Variants in DGKB observed in about 807,000 individuals in gnomAD.
DGKB encodes the protein diacylglycerol kinase beta.
DGKB carries 67 observed loss-of-function variants against 114.3 expected under a neutral mutation model. The ratio of observed to expected loss-of-function variants is 0.59; its 90% confidence interval spans 0.48 to 0.72. DGKB has a LOEUF of 0.72. Ranked by LOEUF, DGKB falls within the 30% of genes least tolerant of loss-of-function variation. DGKB has a pLI of 0.00. For synonymous variants in DGKB, 398 were observed against 323.1 expected (o/e 1.23, Z -2.49); for missense variants, 907 against 975.2 (o/e 0.93, Z 0.93).
chr7:14,519,265 C>T (rs992390118), intron 20 of DGKB, among the ~76,000 whole-genome samples: 1 of 151,950 alleles, frequency 6.6e-6, no homozygotes, highest in African/African-American at 2.4e-5. Context: ...CTCTGACCAC[C>T]AGCCTCAGGC....
At chr7:14,864,101 C>CAA (rs34612317) in intron 1 of DGKB, among the ~76,000 whole-genome samples, 93 of 96,492 alleles carry the variant, frequency 9.6e-4, no homozygotes, top group African/African-American at 2.7e-3. Flanking sequence ...AACTCTGTTT[C>CAA]AAAAAAAAAA....
At chr7:14,907,648 T>G (rs112683033), upstream of DGKB, among the ~76,000 whole-genome samples, 3 of 152,344 alleles carry the variant, frequency 2.0e-5, 1 homozygote, top group African/African-American at 7.2e-5. Flanking sequence ...TATTTAAGTA[T>G]ATGACTTTCA....
At chr7:14,405,899 T>C (rs151188204) in intron 21 of DGKB, among the ~76,000 whole-genome samples, 130 of 152,088 alleles carry the variant, frequency 8.5e-4, no homozygotes, top group African/African-American at 2.8e-3. Context: ...CTTTTAGGAA[T>C]AGATGAGAAT....
At chr7:14,430,142 C>T (rs1296356363) in intron 21 of DGKB, among the ~76,000 whole-genome samples, 1 of 152,102 alleles carries the variant, frequency 6.6e-6, no homozygotes, top group Non-Finnish European at 1.5e-5. Flanking sequence ...TGGGTCCTAG[C>T]AAGTGGCTGA....
intron 20 of DGKB, among the ~76,000 whole-genome samples, chr7:14,557,518 T>C (rs1400949071): frequency 6.6e-6 from 1 of 152,086 alleles, no homozygotes; most frequent in African/African-American, 2.4e-5. Flanking sequence ...ATCTTAACTT[T>C]CTATTTGTCT....
intron 10 of DGKB, among the ~76,000 whole-genome samples, chr7:14,683,339 T>A: frequency 6.6e-6 from 1 of 152,314 alleles, no homozygotes; most frequent in Middle Eastern, 3.4e-3. Context: ...TCATCATACA[T>A]GCCAGGCCTT....
intron 23 of DGKB, among the ~76,000 whole-genome samples, chr7:14,236,546 C>T (rs116214489): frequency 1.3e-5 from 2 of 151,702 alleles, no homozygotes; most frequent in Non-Finnish European, 2.9e-5. Flanking sequence ...TACAGCTGAT[C>T]GATGTAATAT....
chr7:14,367,495 C>T (rs1328973964), intron 21 of DGKB, among the ~76,000 whole-genome samples: 4 of 152,030 alleles, frequency 2.6e-5, no homozygotes, highest in Non-Finnish European at 5.9e-5. Context: ...GGTCGTGAGG[C>T]CTCCCCAGCC....
At chr7:14,958,847 C>G (rs541214222) in intron 1 of DGKB, among the ~76,000 whole-genome samples, 1 of 152,130 alleles carries the variant, frequency 6.6e-6, no homozygotes, top group South Asian at 2.1e-4. Flanking sequence ...GGGAGCCTCC[C>G]TTAAGAACAA....
chr7:14,338,682 T>C lies in DGKB; in HGVS notation c.1955A>G (p.Asn652Ser). Residue 652 changes from asparagine to serine, a missense_variant, in exon 23 of 26, where the codon AAC (asparagine) becomes AGC (serine). Physicochemically the swap from Asn to Ser is conservative, Grantham distance 46. This residue lies in a region of DGKB where 814 missense variants were observed against 856.6 expected (regional missense o/e 0.95). Coordinates refer to ENST00000402815, the MANE Select transcript of DGKB (RefSeq NM_001350709.2). The stretch of plus-strand genomic sequence containing the variant: ...AATAGCAATTCCTTCCAGAGAGATG[T>C]TTATTAAATCTATCTGTACTCCATC... ...ECDGVQIDLI[N>S]ISLEGIAILN... 6.3e-7 allele frequency: 1 copy of C among 1,588,842 alleles called. No homozygotes were observed. The highest frequency in any genetic ancestry group is 8.6e-7 in the Non-Finnish European group (1 of 1,167,680).
intron 23 of DGKB, among the ~76,000 whole-genome samples, chr7:14,184,925 A>C (rs1418368329): frequency 2.0e-5 from 3 of 152,158 alleles, no homozygotes; most frequent in African/African-American, 7.2e-5. Context: ...ATAATACTGA[A>C]TGGGGAGAAG....
intron 2 of DGKB, among the ~76,000 whole-genome samples, chr7:14,782,320 C>T (rs1839238176): frequency 6.6e-6 from 1 of 151,854 alleles, no homozygotes; most frequent in South Asian, 2.1e-4. Context: ...GCCACTGTGC[C>T]CCCGGCCTGA....
intron 17 of DGKB, among the ~76,000 whole-genome samples, chr7:14,587,381 T>C (rs926768609): frequency 1.3e-5 from 2 of 152,096 alleles, no homozygotes; most frequent in African/African-American, 4.8e-5. Context: ...AATTGACTTT[T>C]AGAGATAAGC....
intron 23 of DGKB, among the ~76,000 whole-genome samples, chr7:14,288,891 C>A (rs1285199534): frequency 1.3e-5 from 2 of 152,174 alleles, no homozygotes; most frequent in African/African-American, 4.8e-5. Flanking sequence ...CCCATATGCA[C>A]TGTTGCTCTT....
intron 23 of DGKB, among the ~76,000 whole-genome samples, chr7:14,213,805 T>C (rs1322702220): frequency 6.6e-6 from 1 of 152,180 alleles, no homozygotes; most frequent in East Asian, 1.9e-4. Flanking sequence ...TGATACAGTT[T>C]ACCCTCTCAT....
intron 4 of DGKB, among the ~76,000 whole-genome samples, chr7:14,739,375 G>A (rs116461486): frequency 0.013 from 1,950 of 152,264 alleles, 36 homozygotes; most frequent in African/African-American, 0.044. Context: ...ATGGGGTGGA[G>A]CTACCAGAAA....
intron 1 of DGKB, among the ~76,000 whole-genome samples, chr7:14,893,430 C>A (rs1781608950): frequency 6.6e-6 from 1 of 151,346 alleles, no homozygotes; most frequent in South Asian, 2.1e-4. Context: ...TCATTCTTTG[C>A]AAACTCTTCT....
intron 21 of DGKB, among the ~76,000 whole-genome samples, chr7:14,402,465 C>A (rs1186308925): frequency 6.6e-6 from 1 of 151,748 alleles, no homozygotes; most frequent in Non-Finnish European, 1.5e-5. Flanking sequence ...CTCTAGTCTA[C>A]AATTTAGGAA....
chr7:14,434,599 GATTCTTGTTC>G (rs1828969893), intron 21 of DGKB, among the ~76,000 whole-genome samples: 1 of 152,272 alleles, frequency 6.6e-6, no homozygotes, highest in East Asian at 1.9e-4. Context: ...TGGACACTTT[GATTCTTGTTC>G]AGTGAGACCT....
Sources: gnomAD v4.1 joint callset for allele counts (sites outside exome capture counted in the v4.1 genomes callset) on GRCh38, gnomAD v4.1.1 for gene constraint, gnomAD v4.1.1 regional missense constraint, MANE v1.5 for transcripts, NCBI Gene and HGNC (gene_info 2026-07-23, HGNC 2026-07-21) for gene names.